The following FAM234B variants were observed in gnomAD, a reference collection of about 807,000 sequenced individuals.
FAM234B encodes protein FAM234B.
In FAM234B, 33 loss-of-function variants were observed where a neutral mutation model predicts 69.3. The ratio of observed to expected loss-of-function variants is 0.48; its 90% confidence interval spans 0.36 to 0.64. The LOEUF is 0.64. Among genes scored for constraint, FAM234B ranks in the 30% least tolerant of loss-of-function variants. The pLI is 0.00. For synonymous variants in FAM234B, 306 were observed against 306.9 expected (o/e 1.00, Z 0.03); for missense variants, 697 against 769.7 (o/e 0.91, Z 1.12).
Position 13,055,778 on chromosome 12 carries a change from G to T in FAM234B, c.265G>T (p.Gly89Cys), listed in dbSNP as rs779369617. The change falls in exon 2 of 13, where the codon GGC becomes TGC. Residue 89 changes from glycine to cysteine, a missense_variant. By Grantham distance (159) the Gly-to-Cys change is radical (BLOSUM62 -3). Around this residue, in one of 3 missense-constraint regions of FAM234B, gnomAD observed 380 missense variants for 447.1 expected, o/e 0.85. Transcript: ENST00000197268. Reference protein sequence around the residue: ...TEGYPSEPLGGLEQKAASSLV... With the variant: ...TEGYPSEPLGCLEQKAASSLV... ...GGGCTACCCCTCAGAACCCCTTGGG[G>T]GCCTGGAACAGAAGGCGGCCTCCTC... 1.2e-6 allele frequency: 2 copies of T among 1,614,066 alleles called. No individual in the cohort carries two copies. Among genetic ancestry groups the T allele is most frequent in the Non-Finnish European group, 1.7e-6 (2 of 1,180,028 alleles).
intron 5 of FAM234B, among the ~76,000 whole-genome samples, chr12:13,064,575 G>A (rs550673354): frequency 1.7e-4 from 26 of 152,276 alleles, no homozygotes; most frequent in African/African-American, 6.3e-4. Context: ...TGTGCCCTTT[G>A]TGTTGGTCTC....
chr12:13,062,837 T>C lies in FAM234B; in HGVS notation c.722-8T>C. 1.2e-6 allele frequency: 2 copies of C among 1,613,632 alleles called. No homozygotes were observed. The highest frequency in any genetic ancestry group is 8.5e-7 in the Non-Finnish European group (1 of 1,179,678). ...GTCATAGTGACCAGCCTATGTGTCCTTCCTCAGGGAAAGCCATTTGGACTT... is the reference window on the plus strand; with the variant it reads ...GTCATAGTGACCAGCCTATGTGTCCCTCCTCAGGGAAAGCCATTTGGACTT... On this transcript the variant is annotated splice_polypyrimidine_tract_variant and splice_region_variant and intron_variant, in intron 4 of 12. Transcript: ENST00000197268.
In FAM234B at chr12:13,067,183, C is replaced by A. The variant is rs1319462999; in HGVS notation, c.1029C>A (p.Asp343Glu). 2.5e-6 allele frequency: 4 copies of A among 1,613,926 alleles called. No individual in the cohort carries two copies. The highest frequency in any genetic ancestry group is 3.3e-5 in the Admixed American group (2 of 59,998). ...ATATACAAGCTGTCGCACTGCGGGA[C>A]ATTTTTGTTCAGGCCCAAAATCGAG... is the stretch of plus-strand genomic sequence containing the variant. ...FGNIQAVALR[D>E]IFVQAQNRDS... Residue 343 changes from aspartate to glutamate, a missense_variant, in exon 7 of 13, where the codon GAC becomes GAA. Asp to Glu is a conservative substitution (Grantham distance 45). Coordinates refer to ENST00000197268, the MANE Select transcript of FAM234B (RefSeq NM_020853.2). The surrounding 1 kb of genome is among the most constrained non-coding windows in gnomAD (Gnocchi z 4.7).
At chr12:13,053,019 A>G (rs1461986138) in intron 1 of FAM234B, among the ~76,000 whole-genome samples, 1 of 152,182 alleles carries the variant, frequency 6.6e-6, no homozygotes, top group East Asian at 1.9e-4. Context: ...AGAAATACAA[A>G]TTGTAGGAGA....
intron 11 of FAM234B, 49 bp from the exon 12 acceptor site, chr12:13,079,740 T>C (rs757324803): frequency 1.7e-6 from 2 of 1,163,412 alleles, no homozygotes; most frequent in East Asian, 2.3e-5. Flanking sequence ...CTCCTGTTAG[T>C]GGACGGTATG....
chr12:13,055,515 A>G (rs2120456404), intron 1 of FAM234B, 36 bp from the exon 2 acceptor site: 1 of 1,538,046 alleles, frequency 6.5e-7, no homozygotes, highest in Non-Finnish European at 8.8e-7. Flanking sequence ...TCTTCTCCCC[A>G]GTTCCCCTTG....
chr12:13,058,628 G>T, intron 3 of FAM234B, 79 bp downstream of exon 3: 1 of 1,194,218 alleles, frequency 8.4e-7, no homozygotes, highest in Admixed American at 1.7e-5. Context: ...GTCCCAAGTG[G>T]TACTGCAGAG....
rs1865219428 is a variant in FAM234B at position 13,080,985 on chromosome 12, A to C, written c.*355A>C. 4.4e-6 allele frequency: 1 copy of C among 225,608 alleles called. No individual in the cohort carries two copies. Among genetic ancestry groups the C allele is most frequent in the South Asian group, 1.3e-4 (1 of 7,522 alleles). 14.0% of individuals were successfully genotyped at this position (225,608 alleles called of 1,614,324 possible). On this transcript the variant is annotated 3_prime_UTR_variant, in exon 13 of 13. Coordinates refer to ENST00000197268, the MANE Select transcript of FAM234B (RefSeq NM_020853.2). Reference sequence around the variant, plus strand: ...ATGACTAGGAAACATTTTGTTGTACATTGTGCTGTGTGTGTGTATATTTTA... The same window carrying C: ...ATGACTAGGAAACATTTTGTTGTACCTTGTGCTGTGTGTGTGTATATTTTA...
chr12:13,053,390 T>C (rs527685170), intron 1 of FAM234B, among the ~76,000 whole-genome samples: 1 of 152,262 alleles, frequency 6.6e-6, no homozygotes, highest in South Asian at 2.1e-4. Context: ...GCCCCCAATA[T>C]TTCAACGTAG....
intron 1 of FAM234B, among the ~76,000 whole-genome samples, chr12:13,045,799 G>C (rs1016527028): frequency 1.3e-4 from 20 of 151,606 alleles, no homozygotes; most frequent in African/African-American, 4.8e-4. Context: ...CTCCCAGAGG[G>C]GTAATAAGAT....
intron 11 of FAM234B, among the ~76,000 whole-genome samples, chr12:13,078,378 C>G (rs1356466583): frequency 6.6e-6 from 1 of 152,128 alleles, no homozygotes; most frequent in Non-Finnish European, 1.5e-5. Flanking sequence ...GCCTAGGTTT[C>G]TTTCTAGGGT....
chr12:13,068,511 C>G (rs1056447128), intron 8 of FAM234B, 64 bp downstream of exon 8: 1 of 1,600,612 alleles, frequency 6.2e-7, no homozygotes, highest in Non-Finnish European at 8.5e-7. Context: ...TAAAAATTGT[C>G]CAGGACAATT....
At chr12:13,069,471 A>G (rs1182097163) in intron 9 of FAM234B, among the ~76,000 whole-genome samples, 2 of 152,212 alleles carry the variant, frequency 1.3e-5, no homozygotes, top group African/African-American at 2.4e-5. Context: ...GCCAACTTCT[A>G]TGCTGAATGC....
rs1565509342 is a variant in FAM234B, at chr12:13,062,981, A to G, written c.852+6A>G. 10 of 1,613,642 alleles carry G rather than the reference A, an allele frequency of 6.2e-6. No homozygotes were observed. The highest frequency in any genetic ancestry group is 8.5e-6 in the Non-Finnish European group (10 of 1,179,750). On this transcript the variant is annotated splice_donor_region_variant and intron_variant, in intron 5 of 12. Coordinates refer to ENST00000197268, the MANE Select transcript of FAM234B (RefSeq NM_020853.2). ...TGGCCATTGGGGAATTGCAGGTATG[A>G]TCTCTATTAAATGTTTTTTGTTTCT...
In FAM234B at chr12:13,071,407, C is replaced by G. The variant is rs1865105544; in HGVS notation, c.1524+11C>G. On this transcript the variant is annotated intron_variant, in intron 10 of 12. Transcript: ENST00000197268. ...GCATCTCCCAATTCCGTGAGTGAGC[C>G]TGGGAGGGTCCCTTTTTTACTTTGT... The G allele has an allele frequency of 1.5e-5, 25 of 1,613,132 alleles. No homozygotes were observed. The highest frequency in any genetic ancestry group is 2.0e-5 in the Non-Finnish European group (24 of 1,179,418).
At position 13,055,671 on chromosome 12, in the gene FAM234B, C is replaced by T. The variant is rs1864920257; in HGVS notation, c.158C>T (p.Pro53Leu). ...GGAGGGGTCAAAAATGGGAAGAGTC[C>T]TTTGGGAGAAGCGCCAGAACCCGAC... ...KNGGVKNGKS[P>L]LGEAPEPDSD... The change falls in exon 2 of 13, where the codon CCT becomes CTT. Residue 53 changes from proline to leucine, a missense_variant. Physicochemically the swap from Pro to Leu is moderately conservative, Grantham distance 98. This residue lies in a region of FAM234B where 380 missense variants were observed against 447.1 expected (regional missense o/e 0.85). Transcript: ENST00000197268. 1 of 1,614,194 alleles carries T rather than the reference C, an allele frequency of 6.2e-7. No individual in the cohort carries two copies. The highest frequency in any genetic ancestry group is 2.2e-5 in the East Asian group (1 of 44,884).
Position 13,045,217 on chromosome 12 carries a change from T to G in FAM234B, c.37+777T>G, listed in dbSNP as rs1864794359. On this transcript the variant is annotated intron_variant, in intron 1 of 12. Transcript: ENST00000197268. ...TTCGGGCAGCAGCTCCAAGTTTTTT[T>G]TCCTTTTTTTTTTTTTTTCCTCCTA... 2.1e-5 allele frequency among the ~76,000 whole-genome samples: 3 copies of G among 143,000 alleles called. 1 individual carries two copies. In the South Asian group the frequency reaches 6.7e-4, roughly 32 times the overall value. The allele number at this position is 143,000 out of a possible 152,430, so 93.8% of individuals were successfully genotyped here. A position where few individuals can be genotyped will look rare whatever the true frequency, so the allele number is the denominator to read the frequency against.
chr12:13,083,243 A>C lies in FAM234B; in HGVS notation c.*2613A>C, dbSNP rs1865261271. On this transcript the variant is annotated 3_prime_UTR_variant, in exon 13 of 13. Coordinates refer to ENST00000197268, the MANE Select transcript of FAM234B (RefSeq NM_020853.2). ...TGACTTCTACAAATGCAAGGGTCTT[A>C]CCCTCCTCTTTCCCTTAAACACCCT... 1 of 152,118 alleles carries C rather than the reference A, an allele frequency of 6.6e-6. No individual in the cohort carries two copies. The highest frequency in any genetic ancestry group is 2.1e-4 in the South Asian group (1 of 4,800). 9.4% of individuals were successfully genotyped at this position (152,118 alleles called of 1,614,324 possible). A position where few individuals can be genotyped will look rare whatever the true frequency, so the allele number is the denominator to read the frequency against.
intron 1 of FAM234B, among the ~76,000 whole-genome samples, chr12:13,050,721 G>A (rs1864866877): frequency 6.6e-6 from 1 of 151,432 alleles, no homozygotes; most frequent in African/African-American, 2.4e-5. Flanking sequence ...TAAAATGGGG[G>A]ATAATAATAA....
Sources: allele counts gnomAD v4.1 joint callset (sites outside exome capture counted in the v4.1 genomes callset), GRCh38; gene constraint gnomAD v4.1.1; regional missense constraint gnomAD v4.1.1; non-coding constraint Gnocchi (gnomAD v3.1); transcripts MANE v1.5; gene names NCBI Gene and HGNC (gene_info 2026-07-23, HGNC 2026-07-21).